SLC24A2: variants seen among roughly 807,000 people sequenced by gnomAD.
The protein encoded by SLC24A2 is sodium/potassium/calcium exchanger 2.
SLC24A2 carries 36 observed loss-of-function variants against 62.0 expected under a neutral mutation model. That is an observed-to-expected ratio of 0.58 (90% CI 0.44 to 0.77). The LOEUF is 0.77. Ranked by LOEUF, SLC24A2 falls within the 30% of genes least tolerant of loss-of-function variation. SLC24A2 has a pLI of 0.00. For synonymous variants in SLC24A2, 358 were observed against 294.0 expected, an observed-to-expected ratio of 1.22 and a Z score of -2.23; for missense variants, 846 against 817.9, an observed-to-expected ratio of 1.03 and a Z score of -0.42.
chr9:20,114,803 C>T, the SLC24A2 span, among the ~76,000 whole-genome samples: 1 of 152,162 alleles, frequency 6.6e-6, no homozygotes, highest in Admixed American at 6.6e-5. Flanking sequence ...AAAACACCCT[C>T]TGGCCAGCCT....
the SLC24A2 span, among the ~76,000 whole-genome samples, chr9:20,051,764 C>T: frequency 2.0e-4 from 29 of 144,204 alleles, no homozygotes; most frequent in African/African-American, 7.0e-4. Flanking sequence ...GTATGGTGCT[C>T]CTTGGTGAGC....
At chr9:19,883,294 A>G in the SLC24A2 span, among the ~76,000 whole-genome samples, 1 of 152,240 alleles carries the variant, frequency 6.6e-6, no homozygotes, top group Non-Finnish European at 1.5e-5. Context: ...TTCTAGTATC[A>G]TAATTGTTAT....
chr9:19,833,514 C>T, the SLC24A2 span, among the ~76,000 whole-genome samples: 1 of 152,194 alleles, frequency 6.6e-6, no homozygotes. Context: ...TGCAAGGTGG[C>T]AGCGAGGCTG....
chr9:19,838,970 A>T, the SLC24A2 span, among the ~76,000 whole-genome samples: 1 of 152,184 alleles, frequency 6.6e-6, no homozygotes, highest in Non-Finnish European at 1.5e-5. Flanking sequence ...AGAATGGGAG[A>T]AAATTTTTGC....
chr9:19,555,696 G>C (rs1454476240), intron 7 of SLC24A2, among the ~76,000 whole-genome samples: 1 of 152,200 alleles, frequency 6.6e-6, no homozygotes, highest in African/African-American at 2.4e-5. Context: ...TGTAATCCCA[G>C]CACTTTGGGA....
chr9:20,003,750 G>A, the SLC24A2 span, among the ~76,000 whole-genome samples: 2 of 152,108 alleles, frequency 1.3e-5, no homozygotes, highest in Non-Finnish European at 2.9e-5. Context: ...AAAATGAATG[G>A]ATGTAGCTGT....
chr9:20,219,489 T>C, the SLC24A2 span, among the ~76,000 whole-genome samples: 1 of 152,204 alleles, frequency 6.6e-6, no homozygotes, highest in Admixed American at 6.5e-5. Context: ...GAGATTATAA[T>C]AAAATGTCCT....
At chr9:19,904,037 A>G in the SLC24A2 span, among the ~76,000 whole-genome samples, 16 of 152,344 alleles carry the variant, frequency 1.1e-4, no homozygotes, top group Admixed American at 4.6e-4. Context: ...GGGACAAGTC[A>G]TACCTCAGTG....
At chr9:19,816,967 C>T in the SLC24A2 span, among the ~76,000 whole-genome samples, 1 of 152,148 alleles carries the variant, frequency 6.6e-6, no homozygotes, top group African/African-American at 2.4e-5. Flanking sequence ...TGATGTACCA[C>T]AGCATGTAGC....
At chr9:20,027,616 A>C in the SLC24A2 span, among the ~76,000 whole-genome samples, 1 of 152,192 alleles carries the variant, frequency 6.6e-6, no homozygotes, top group Non-Finnish European at 1.5e-5. Flanking sequence ...ATAGAAGTAG[A>C]GAGCAGAATG....
chr9:19,812,798 A>C, the SLC24A2 span, among the ~76,000 whole-genome samples: 2 of 152,098 alleles, frequency 1.3e-5, no homozygotes, highest in East Asian at 3.9e-4. Flanking sequence ...TTTTTGACAG[A>C]AAAAATTGGG....
chr9:19,520,039 TAC>T (rs373768658), intron 10 of SLC24A2, among the ~76,000 whole-genome samples: 51 of 152,268 alleles, frequency 3.3e-4, no homozygotes, highest in African/African-American at 1.2e-3. Context: ...GAGAAAAACA[TAC>T]ACACAGTGCA....
chr9:20,145,038 C>T, the SLC24A2 span, among the ~76,000 whole-genome samples: 2 of 152,114 alleles, frequency 1.3e-5, no homozygotes, highest in African/African-American at 4.8e-5. Context: ...GCAGCAACTA[C>T]TTATCAAGTA....
chr9:19,956,771 A>C, the SLC24A2 span, among the ~76,000 whole-genome samples: 164 of 152,312 alleles, frequency 1.1e-3, no homozygotes, highest in African/African-American at 3.8e-3. Context: ...TAGGAATTAC[A>C]ATTAGAGATG....
chr9:20,269,921 T>C, the SLC24A2 span, among the ~76,000 whole-genome samples: 12 of 152,174 alleles, frequency 7.9e-5, no homozygotes, highest in African/African-American at 2.9e-4. Context: ...AAAAGAGGCT[T>C]ATTTAGCTCA....
the SLC24A2 span, among the ~76,000 whole-genome samples, chr9:19,955,653 T>C: frequency 6.6e-6 from 1 of 152,168 alleles, no homozygotes; most frequent in Non-Finnish European, 1.5e-5. Flanking sequence ...CTTTCCTCAA[T>C]AAGCTATGTG....
chr9:19,820,883 T>C, the SLC24A2 span, among the ~76,000 whole-genome samples: 2 of 152,166 alleles, frequency 1.3e-5, no homozygotes, highest in African/African-American at 2.4e-5. Flanking sequence ...GTAGCATTTA[T>C]GTTTTCTGCA....
chr9:19,821,844 C>G, the SLC24A2 span, among the ~76,000 whole-genome samples: 1 of 152,100 alleles, frequency 6.6e-6, no homozygotes, highest in Non-Finnish European at 1.5e-5. Context: ...AACTTACATA[C>G]TAGTGTTGAC....
At chr9:19,952,444 A>G in the SLC24A2 span, among the ~76,000 whole-genome samples, 5 of 152,010 alleles carry the variant, frequency 3.3e-5, no homozygotes, top group African/African-American at 9.6e-5. Context: ...TTTTGTCACT[A>G]TTGTCTGTCT....
Sources: gnomAD v4.1 joint callset for allele counts (sites outside exome capture counted in the v4.1 genomes callset) on GRCh38, gnomAD v4.1.1 for gene constraint, MANE v1.5 for transcripts, NCBI Gene and HGNC (gene_info 2026-07-23, HGNC 2026-07-21) for gene names.